Variants in CLDN14 observed in about 807,000 individuals in gnomAD.
CLDN14 encodes the protein claudin-14.
A neutral mutation model predicts 2.1 loss-of-function variants in CLDN14; 2 were observed. The observed-to-expected ratio is 0.96, with a 90% CI of 0.39 to 3.01. The LOEUF is 3.01. Ranked by LOEUF, CLDN14 falls within the 30% of genes most tolerant of loss-of-function variation. The probability of loss-of-function intolerance (pLI) is 0.09; values close to 1 mark genes in which losing one functional copy is unlikely to be tolerated. For missense variants in CLDN14, 298 were observed against 328.0 expected, an observed-to-expected ratio of 0.91 and a Z score of 0.71; for synonymous variants, 136 against 154.4, an observed-to-expected ratio of 0.88 and a Z score of 0.88.
In CLDN14 at chr21:36,512,690, T is replaced by C. The variant is rs73392035; in HGVS notation, c.-219-2190A>G. Among the ~76,000 whole-genome samples the C allele has an allele frequency of 5.4e-3, 823 of 152,314 alleles. 11 individuals are homozygous for C. The highest frequency in any genetic ancestry group is 0.019 in the African/African-American group (778 of 41,564). On this transcript the variant is annotated intron_variant, in intron 1 of 2. Transcript: ENST00000342108. ...AGATGTGTGTGGACATATATGTGTA[T>C]GCATGTGAACATATCTGTGTATGCC...
At chr21:36,495,366 T>C (rs2146468021) in intron 2 of CLDN14, among the ~76,000 whole-genome samples, 1 of 152,302 alleles carries the variant, frequency 6.6e-6, no homozygotes, top group South Asian at 2.1e-4. Context: ...AACCAGAAAG[T>C]CTGATTGGAT....
At chr21:36,494,690 A>G (rs561344174) in intron 2 of CLDN14, among the ~76,000 whole-genome samples, 55 of 152,282 alleles carry the variant, frequency 3.6e-4, no homozygotes, top group African/African-American at 1.2e-3. Context: ...CAGGGGGATG[A>G]CCCTGGGATG....
At chr21:36,513,976 G>C (rs1055950649) in intron 1 of CLDN14, among the ~76,000 whole-genome samples, 1 of 151,994 alleles carries the variant, frequency 6.6e-6, no homozygotes, top group Non-Finnish European at 1.5e-5. Context: ...GGGACCACAG[G>C]TTCACACCAC....
At chr21:36,485,725 A>T (rs170182) in intron 2 of CLDN14, 207,896 of 241,680 alleles carry the variant, frequency 0.86, 89,795 homozygotes, top group African/African-American at 0.9. Flanking sequence ...GACAATGAAG[A>T]GACAGTAAAG....
At chr21:36,463,129 A>G (rs1426449061) in intron 1 of CLDN14, among the ~76,000 whole-genome samples, 1 of 152,204 alleles carries the variant, frequency 6.6e-6, no homozygotes, top group African/African-American at 2.4e-5. Flanking sequence ...TGCCTGGGGC[A>G]AGGTAATCAG....
chr21:36,489,158 GGA>G (rs369533067), intron 2 of CLDN14, among the ~76,000 whole-genome samples: 8 of 80,200 alleles, frequency 1.0e-4, no homozygotes, highest in Non-Finnish European at 2.1e-4. Flanking sequence ...ATATATATAT[GGA>G]GAGAGAGAGA....
At chr21:36,575,802 C>A in intron 1 of CLDN14, among the ~76,000 whole-genome samples, 1 of 152,290 alleles carries the variant, frequency 6.6e-6, no homozygotes, top group Non-Finnish European at 1.5e-5. Flanking sequence ...GAGGAAGAAG[C>A]CTTCTTGCTT....
chr21:36,545,636 A>AT (rs1369716814), intron 1 of CLDN14, among the ~76,000 whole-genome samples: 1 of 152,150 alleles, frequency 6.6e-6, no homozygotes, highest in Non-Finnish European at 1.5e-5. Context: ...AGGCTGAATT[A>AT]TTATTTTTTG....
chr21:36,478,281 G>A (rs1037802182), intron 1 of CLDN14, among the ~76,000 whole-genome samples: 7 of 152,162 alleles, frequency 4.6e-5, no homozygotes, highest in Non-Finnish European at 8.8e-5. Flanking sequence ...CAGTAAGCTT[G>A]AGATATGCAA....
At chr21:36,531,541 AGGCATGAGCCACTGCGCCT>A (rs1568871590) in intron 1 of CLDN14, among the ~76,000 whole-genome samples, 1 of 152,046 alleles carries the variant, frequency 6.6e-6, no homozygotes, top group Non-Finnish European at 1.5e-5. Flanking sequence ...CTAAGATTAC[AGGCATGAGCCACTGCGCCT>A]GGCCTATAAA....
rs1295583562 is a variant in CLDN14 at position 36,461,603 on chromosome 21, C to T, written c.93G>A (p.Arg31=). The change falls in exon 2 of 2, where the codon CGG becomes CGA. Residue 31 remains arginine, a synonymous_variant. Coordinates refer to ENST00000399135, the MANE Select transcript of CLDN14 (RefSeq NM_001146079.2). Reference sequence around the variant, plus strand: ...TGTTGGTGCCCACGTGCGCTGTCCTCCGCCAGTGCGGCAGGATGGTGGTGA... The same window carrying T: ...TGTTGGTGCCCACGTGCGCTGTCCTTCGCCAGTGCGGCAGGATGGTGGTGA... ...TLITTILPHW[R]RTAHVGTNIL... The T allele has an allele frequency of 3.1e-6, 5 of 1,607,032 alleles. No individual in the cohort carries two copies. The highest frequency in any genetic ancestry group is 2.2e-5 in the East Asian group (1 of 44,480).
chr21:36,552,783 T>G (rs1367043674), intron 1 of CLDN14, among the ~76,000 whole-genome samples: 1 of 152,204 alleles, frequency 6.6e-6, no homozygotes, highest in Non-Finnish European at 1.5e-5. Context: ...CAGGCCATTC[T>G]CAGAACAGCA....
chr21:36,468,329 C>A (rs1040117567), intron 1 of CLDN14, among the ~76,000 whole-genome samples: 4 of 152,120 alleles, frequency 2.6e-5, no homozygotes, highest in African/African-American at 9.7e-5. Context: ...GTAATCCCAG[C>A]ATTTTGGGAG....
At position 36,486,376 on chromosome 21, in the gene CLDN14, C is replaced by G. The variant is rs1335830058; in HGVS notation, c.-82+23987G>C. The G allele has an allele frequency of 6.3e-6, 6 of 952,354 alleles. No individual in the cohort carries two copies. In the African/African-American group the frequency reaches 6.4e-5, roughly 10 times the overall value. 59.0% of individuals were successfully genotyped at this position (952,354 alleles called of 1,614,324 possible). A position where few individuals can be genotyped will look rare whatever the true frequency, so the allele number is the denominator to read the frequency against. On this transcript the variant is annotated intron_variant, in intron 2 of 2. Coordinates refer to the CLDN14 transcript ENST00000342108. ...GTTGTAGCAATCCTGGCCTCAGCAG[C>G]AGAGGCTGCAGCTGCTCGTCTGGGC...
chr21:36,570,191 A>G (rs540938628), intron 1 of CLDN14, among the ~76,000 whole-genome samples: 75 of 152,380 alleles, frequency 4.9e-4, no homozygotes, highest in African/African-American at 1.7e-3. Flanking sequence ...CCTGGAATCA[A>G]TAGAACAGAA....
intron 1 of CLDN14, among the ~76,000 whole-genome samples, chr21:36,463,941 C>A (rs183167070): frequency 7.9e-5 from 12 of 152,268 alleles, no homozygotes. Flanking sequence ...AACAAAACAA[C>A]GTGGTGCCTC....
chr21:36,529,787 T>C (rs942813143), intron 1 of CLDN14, among the ~76,000 whole-genome samples: 4 of 152,220 alleles, frequency 2.6e-5, no homozygotes, highest in African/African-American at 4.8e-5. Context: ...TATTCCCTAT[T>C]TATATTTATT....
chr21:36,522,927 G>A (rs995232312), intron 1 of CLDN14, among the ~76,000 whole-genome samples: 41 of 152,112 alleles, frequency 2.7e-4, no homozygotes, highest in African/African-American at 9.9e-4. Flanking sequence ...TCTTTTCTGG[G>A]AGCAGAGGAA....
rs1043541159 is a variant in CLDN14 at position 36,497,682 on chromosome 21, G to A, written c.-82+12681C>T. 7.9e-5 allele frequency among the ~76,000 whole-genome samples: 12 copies of A among 152,174 alleles called. No homozygotes were observed. The East Asian group carries it at 2.1e-3, about 27-fold the overall frequency. On this transcript the variant is annotated intron_variant, in intron 2 of 2. Transcript: ENST00000342108. ...AGAAATCAGTCCTCATTTCATCGCC[G>A]TTTAGCCAAGACACCTTTCCCGTCC...
Sources: allele counts gnomAD v4.1 joint callset (sites outside exome capture counted in the v4.1 genomes callset), GRCh38; gene constraint gnomAD v4.1.1; transcripts MANE v1.5; gene names NCBI Gene and HGNC (gene_info 2026-07-23, HGNC 2026-07-21).